The following ZBTB20 variants were observed in gnomAD, a reference collection of about 807,000 sequenced individuals.
ZBTB20 encodes the protein zinc finger and BTB domain containing 20, also known as zinc finger and BTB domain-containing protein 20.
ZBTB20 carries 9 observed loss-of-function variants against 56.9 expected under a neutral mutation model. That is an observed-to-expected ratio of 0.16 (90% CI 0.10 to 0.28). The LOEUF is 0.28. Among genes scored for constraint, ZBTB20 ranks in the 10% least tolerant of loss-of-function variants. The pLI is 1.00. For missense variants in ZBTB20, 655 were observed against 1,003.0 expected, an observed-to-expected ratio of 0.65 and a Z score of 4.69; for synonymous variants, 417 against 420.7, an observed-to-expected ratio of 0.99 and a Z score of 0.11.
chr3:115,099,556 A>G (rs1274713267), intron 1 of ZBTB20, among the ~76,000 whole-genome samples: 1 of 152,212 alleles, frequency 6.6e-6, no homozygotes, highest in Admixed American at 6.5e-5. Context: ...TAATTACTCC[A>G]TTCTTACCCA....
intron 6 of ZBTB20, among the ~76,000 whole-genome samples, chr3:114,646,592 A>G (rs1481060385): frequency 6.6e-6 from 1 of 152,256 alleles, no homozygotes; most frequent in Non-Finnish European, 1.5e-5. Flanking sequence ...TTGGAGAGTT[A>G]GTTGACTTTT....
At chr3:114,604,799 T>C (rs1329625597) in intron 6 of ZBTB20, among the ~76,000 whole-genome samples, 1 of 152,026 alleles carries the variant, frequency 6.6e-6, no homozygotes, top group Non-Finnish European at 1.5e-5. Flanking sequence ...CTAAGCTCAA[T>C]CGAGTTACCA....
intron 4 of ZBTB20, among the ~76,000 whole-genome samples, chr3:114,897,413 T>C (rs183215180): frequency 3.4e-4 from 52 of 152,214 alleles, no homozygotes; most frequent in African/African-American, 1.1e-3. Context: ...AAATTATATC[T>C]AGTCATGCTA....
intron 2 of ZBTB20, among the ~76,000 whole-genome samples, chr3:115,029,698 A>G (rs2080584511): frequency 6.6e-6 from 1 of 150,862 alleles, no homozygotes; most frequent in Admixed American, 6.6e-5. Flanking sequence ...TTTAGAACAG[A>G]GTAAATTTAG....
chr3:114,696,373 A>C (rs1224672627), intron 5 of ZBTB20, among the ~76,000 whole-genome samples: 1 of 151,976 alleles, frequency 6.6e-6, no homozygotes, highest in Admixed American at 6.6e-5. Context: ...TCCTCCTCAC[A>C]CACTAATGAT....
At chr3:114,341,356 A>T (rs1263090392) in intron 11 of ZBTB20, among the ~76,000 whole-genome samples, 1 of 152,162 alleles carries the variant, frequency 6.6e-6, no homozygotes, top group Non-Finnish European at 1.5e-5. Flanking sequence ...CATGCCTGGA[A>T]GTCAGCTGGT....
chr3:114,979,532 A>G (rs552271714), intron 2 of ZBTB20, among the ~76,000 whole-genome samples: 1 of 152,190 alleles, frequency 6.6e-6, no homozygotes, highest in Admixed American at 6.6e-5. Flanking sequence ...ATTATTTTGT[A>G]TAAGGCCTTC....
At chr3:114,410,543 G>A (rs2087837057) in intron 7 of ZBTB20, among the ~76,000 whole-genome samples, 2 of 152,062 alleles carry the variant, frequency 1.3e-5, no homozygotes, top group South Asian at 4.1e-4. Context: ...GAAGTAACAG[G>A]GCCAGAGCCC....
intron 2 of ZBTB20, among the ~76,000 whole-genome samples, chr3:114,982,652 T>A (rs1450611980): frequency 6.6e-6 from 1 of 152,042 alleles, no homozygotes; most frequent in Non-Finnish European, 1.5e-5. Flanking sequence ...GAGACACAAG[T>A]ATAAAAGGGC....
intron 10 of ZBTB20, among the ~76,000 whole-genome samples, chr3:114,358,607 G>A (rs1224800122): frequency 6.6e-6 from 1 of 152,126 alleles, no homozygotes; most frequent in Non-Finnish European, 1.5e-5. Context: ...TAAGTCTGCT[G>A]TTCTCTCTAA....
At chr3:114,806,970 T>A (rs2072151362) in intron 4 of ZBTB20, among the ~76,000 whole-genome samples, 1 of 151,996 alleles carries the variant, frequency 6.6e-6, no homozygotes, top group African/African-American at 2.4e-5. Context: ...ATTCCATTGA[T>A]CTGTATGCCA....
chr3:114,723,383 C>A (rs920422595), intron 5 of ZBTB20, among the ~76,000 whole-genome samples: 1 of 152,170 alleles, frequency 6.6e-6, no homozygotes, highest in African/African-American at 2.4e-5. Context: ...ATGGCCCAAG[C>A]GACAGCTTTT....
chr3:114,541,777 T>C (rs374965450), intron 6 of ZBTB20, among the ~76,000 whole-genome samples: 2 of 152,140 alleles, frequency 1.3e-5, no homozygotes, highest in Non-Finnish European at 2.9e-5. Context: ...CAAAGGTGAA[T>C]AGGGACTGGA....
At chr3:114,505,591 A>G (rs1262833659) in intron 6 of ZBTB20, among the ~76,000 whole-genome samples, 2 of 152,124 alleles carry the variant, frequency 1.3e-5, no homozygotes, top group Non-Finnish European at 2.9e-5. Flanking sequence ...TACTCTGTCT[A>G]AAAGTTAGAT....
intron 4 of ZBTB20, among the ~76,000 whole-genome samples, chr3:114,850,417 C>G (rs1403958767): frequency 6.6e-6 from 1 of 152,172 alleles, no homozygotes; most frequent in Non-Finnish European, 1.5e-5. Flanking sequence ...TTCATCTTAA[C>G]TAGTAAGAAA....
intron 7 of ZBTB20, among the ~76,000 whole-genome samples, chr3:114,440,066 C>T (rs2090808454): frequency 1.3e-5 from 2 of 151,594 alleles, no homozygotes; most frequent in Non-Finnish European, 2.9e-5. Flanking sequence ...AGTGTTTTAA[C>T]AAATGGTAAT....
intron 5 of ZBTB20, among the ~76,000 whole-genome samples, chr3:114,697,079 A>G (rs80082351): frequency 0.053 from 6,402 of 120,852 alleles, 206 homozygotes; most frequent in Middle Eastern, 0.13. Flanking sequence ...AAAAAAAAGA[A>G]GAAGAAAGAG....
At chr3:114,539,659 G>T (rs898141552) in intron 6 of ZBTB20, among the ~76,000 whole-genome samples, 2 of 151,924 alleles carry the variant, frequency 1.3e-5, no homozygotes, top group African/African-American at 4.8e-5. Context: ...ATATCCAGAC[G>T]TCATCTCCTC....
intron 5 of ZBTB20, among the ~76,000 whole-genome samples, chr3:114,726,282 A>T (rs1246426619): frequency 2.6e-5 from 4 of 152,170 alleles, no homozygotes; most frequent in African/African-American, 9.7e-5. Context: ...GTGTTTAACG[A>T]CTGTTAAAAA....
Sources: gnomAD v4.1 joint callset for allele counts (sites outside exome capture counted in the v4.1 genomes callset) on GRCh38, gnomAD v4.1.1 for gene constraint, MANE v1.5 for transcripts, NCBI Gene and HGNC (gene_info 2026-07-23, HGNC 2026-07-21) for gene names.